Variants in SLC9A9 observed in about 807,000 individuals in gnomAD.
The protein encoded by SLC9A9 is solute carrier family 9 member A9, also known as sodium/hydrogen exchanger 9.
SLC9A9 carries 62 observed loss-of-function variants against 77.8 expected under a neutral mutation model. The observed-to-expected ratio is 0.80, with a 90% CI of 0.65 to 0.98. SLC9A9 has a LOEUF of 0.98. SLC9A9 is among the 50% of genes least tolerant of loss of function. The pLI, the probability that SLC9A9 is intolerant of heterozygous loss-of-function variation, is 0.00. For missense variants in SLC9A9, 775 were observed against 774.9 expected (o/e 1.00, Z 0.00); for synonymous variants, 320 against 283.5 (o/e 1.13, Z -1.29).
intron 14 of SLC9A9, among the ~76,000 whole-genome samples, chr3:143,334,068 A>G (rs1044211302): frequency 2.6e-5 from 4 of 152,250 alleles, no homozygotes; most frequent in African/African-American, 7.2e-5. Context: ...TGCACTAGAT[A>G]TAAGAAATCT....
chr3:143,377,607 G>A (rs1409796608), intron 13 of SLC9A9, among the ~76,000 whole-genome samples: 3 of 152,196 alleles, frequency 2.0e-5, no homozygotes, highest in African/African-American at 7.2e-5. Flanking sequence ...AAATTGGAAG[G>A]TAACGTCGAG....
intron 4 of SLC9A9, among the ~76,000 whole-genome samples, chr3:143,753,810 G>A (rs996543995): frequency 6.6e-6 from 1 of 152,188 alleles, no homozygotes; most frequent in African/African-American, 2.4e-5. Context: ...AGATGTAAGA[G>A]AATGTCTTCA....
chr3:143,718,399 CA>C (rs1319919491), intron 4 of SLC9A9, among the ~76,000 whole-genome samples: 1 of 152,040 alleles, frequency 6.6e-6, no homozygotes, highest in Non-Finnish European at 1.5e-5. Context: ...TTTTTTGAAA[CA>C]GTATCCATAA....
chr3:143,326,251 C>T (rs1240032827), intron 14 of SLC9A9, among the ~76,000 whole-genome samples: 1 of 152,162 alleles, frequency 6.6e-6, no homozygotes, highest in African/African-American at 2.4e-5. Context: ...CTCCCAGACA[C>T]TACACTTGCT....
chr3:143,740,249 G>C (rs1935044337), intron 4 of SLC9A9, among the ~76,000 whole-genome samples: 2 of 152,124 alleles, frequency 1.3e-5, no homozygotes, highest in South Asian at 2.1e-4. Flanking sequence ...ATGAGAGAGA[G>C]AGATATATAT....
intron 12 of SLC9A9, 173 bp from the exon 13 acceptor site, chr3:143,382,287 C>A: frequency 1.4e-6 from 1 of 693,182 alleles, no homozygotes; most frequent in Non-Finnish European, 2.5e-6. Flanking sequence ...AAAATAAGAA[C>A]TTGAACAGCT....
At chr3:143,408,312 C>T (rs553994264) in intron 12 of SLC9A9, among the ~76,000 whole-genome samples, 2 of 152,072 alleles carry the variant, frequency 1.3e-5, no homozygotes, top group Admixed American at 1.3e-4. Flanking sequence ...GTCTTTGGAC[C>T]ACATATTGCA....
chr3:143,606,026 C>T (rs2037916262), intron 6 of SLC9A9, among the ~76,000 whole-genome samples: 1 of 152,174 alleles, frequency 6.6e-6, no homozygotes. Flanking sequence ...TGTGTGGGTG[C>T]TGCTTTAACT....
intron 4 of SLC9A9, among the ~76,000 whole-genome samples, chr3:143,696,278 G>A (rs1038094149): frequency 4.6e-5 from 7 of 152,058 alleles, no homozygotes; most frequent in Non-Finnish European, 8.8e-5. Flanking sequence ...TATGGTTTTA[G>A]GTCTTATGTT....
chr3:143,558,213 G>A (rs1387353301), intron 8 of SLC9A9, among the ~76,000 whole-genome samples: 1 of 152,232 alleles, frequency 6.6e-6, no homozygotes, highest in Non-Finnish European at 1.5e-5. Context: ...ATGCCTGGAT[G>A]TACAGGCAGA....
chr3:143,570,770 A>C (rs2037243535), intron 8 of SLC9A9, among the ~76,000 whole-genome samples: 1 of 152,138 alleles, frequency 6.6e-6, no homozygotes, highest in Admixed American at 6.6e-5. Context: ...TTAGGTAGGC[A>C]TATTTAAGTG....
At position 143,502,092 on chromosome 3, in the gene SLC9A9, A is replaced by G. The variant is rs563950500; in HGVS notation, c.1090-6644T>C. 2.0e-5 allele frequency among the ~76,000 whole-genome samples: 3 copies of G among 151,306 alleles called. No homozygotes were observed. The East Asian group carries it at 5.8e-4, about 29-fold the overall frequency. On this transcript the variant is annotated intron_variant, in intron 9 of 15. Transcript: ENST00000316549. ...AGTCAATTCAGTGTTCAATATAAATAACTTCAAATCTACTTCCTCCCCACT... is the reference window on the plus strand; with the variant it reads ...AGTCAATTCAGTGTTCAATATAAATGACTTCAAATCTACTTCCTCCCCACT...
intron 7 of SLC9A9, 135 bp from the exon 8 acceptor site, chr3:143,574,328 G>T: frequency 1.3e-6 from 1 of 756,642 alleles, no homozygotes; most frequent in Non-Finnish European, 2.3e-6. Context: ...CTGACTGGAA[G>T]GCCATAATTC....
chr3:143,374,302 G>A (rs540954820), intron 13 of SLC9A9, among the ~76,000 whole-genome samples: 2 of 151,560 alleles, frequency 1.3e-5, no homozygotes, highest in African/African-American at 2.4e-5. Context: ...GCGGGCGCCT[G>A]TAGTCCCAGC....
chr3:143,761,021 C>A (rs138950585), intron 4 of SLC9A9, among the ~76,000 whole-genome samples: 278 of 151,896 alleles, frequency 1.8e-3, no homozygotes, highest in Middle Eastern at 0.01. Flanking sequence ...AGAACAGAGC[C>A]CTCAGAAATA....
chr3:143,536,100 A>G (rs558138872), intron 9 of SLC9A9, among the ~76,000 whole-genome samples: 2 of 152,250 alleles, frequency 1.3e-5, no homozygotes, highest in Non-Finnish European at 2.9e-5. Flanking sequence ...TATAGATTCT[A>G]TACCTAGTAA....
chr3:143,536,020 G>A (rs2036584104), intron 9 of SLC9A9, among the ~76,000 whole-genome samples: 2 of 152,280 alleles, frequency 1.3e-5, no homozygotes, highest in African/African-American at 4.8e-5. Context: ...TGTAGGTGGG[G>A]AAAAAGTGAA....
intron 11 of SLC9A9, among the ~76,000 whole-genome samples, chr3:143,488,077 A>G (rs1482157916): frequency 1.3e-5 from 2 of 151,856 alleles, no homozygotes; most frequent in Non-Finnish European, 2.9e-5. Context: ...TTCTAGAGAA[A>G]TAACAAGAAT....
intron 11 of SLC9A9, among the ~76,000 whole-genome samples, chr3:143,487,023 T>C (rs2035663591): frequency 6.6e-6 from 1 of 151,930 alleles, no homozygotes; most frequent in African/African-American, 2.4e-5. Context: ...CTATATGCTG[T>C]CTAAGGAGAC....
Sources: allele counts gnomAD v4.1 joint callset (sites outside exome capture counted in the v4.1 genomes callset), GRCh38; gene constraint gnomAD v4.1.1; transcripts MANE v1.5; gene names NCBI Gene and HGNC (gene_info 2026-07-23, HGNC 2026-07-21).